Variants in XKR6 observed in about 807,000 individuals in gnomAD.
XKR6 encodes the protein XK-related protein 6.
Under a neutral mutation model 56.7 loss-of-function variants are expected in XKR6, and 22 were observed. The observed-to-expected ratio is 0.39, with a 90% CI of 0.28 to 0.55. The LOEUF (loss-of-function observed/expected upper bound fraction) is 0.55. XKR6 is among the 20% of genes least tolerant of loss of function. XKR6 has a pLI of 0.66. For synonymous variants in XKR6, 524 were observed against 387.8 expected (o/e 1.35, Z -4.13); for missense variants, 852 against 889.0 (o/e 0.96, Z 0.53).
At chr8:11,011,522 C>G (rs12216875) in intron 1 of XKR6, among the ~76,000 whole-genome samples, 72,812 of 152,190 alleles carry the variant, frequency 0.48, 22,237 homozygotes, top group African/African-American at 0.87. Context: ...CTAAGTGCCA[C>G]GTCTATTCCA....
intron 1 of XKR6, among the ~76,000 whole-genome samples, chr8:11,177,520 G>A (rs111814336): frequency 0.014 from 2,134 of 152,278 alleles, 61 homozygotes; most frequent in African/African-American, 0.049. Flanking sequence ...GAACATGACC[G>A]AATTTGGAAA....
At chr8:11,137,693 G>C (rs1467381406) in intron 1 of XKR6, 1 of 456,146 alleles carries the variant, frequency 2.2e-6, no homozygotes, top group Non-Finnish European at 4.4e-6. Context: ...CGGAGAGTCT[G>C]CTGAAGAAGC....
At chr8:11,199,085 T>C (rs1804052977) in intron 1 of XKR6, among the ~76,000 whole-genome samples, 1 of 152,254 alleles carries the variant, frequency 6.6e-6, no homozygotes, top group East Asian at 1.9e-4. Flanking sequence ...GGCATTTTCC[T>C]ATTTTATTCT....
intron 1 of XKR6, among the ~76,000 whole-genome samples, chr8:11,058,574 A>G (rs1054327555): frequency 6.6e-6 from 1 of 152,198 alleles, no homozygotes; most frequent in African/African-American, 2.4e-5. Flanking sequence ...ATTCTCAGCA[A>G]ACTAACACAG....
chr8:11,006,471 T>A, intron 1 of XKR6, among the ~76,000 whole-genome samples: 1 of 152,224 alleles, frequency 6.6e-6, no homozygotes. Context: ...AACATACTTT[T>A]TCTGTCCTGT....
intron 1 of XKR6, among the ~76,000 whole-genome samples, chr8:10,985,249 G>T (rs1422548555): frequency 1.3e-5 from 2 of 152,070 alleles, no homozygotes; most frequent in African/African-American, 4.8e-5. Flanking sequence ...ATGGGGGCAG[G>T]TCTTTCCTGT....
intron 1 of XKR6, among the ~76,000 whole-genome samples, chr8:10,993,188 T>A (rs1277083401): frequency 1.3e-5 from 2 of 152,266 alleles, no homozygotes; most frequent in African/African-American, 4.8e-5. Flanking sequence ...GACGCCACTT[T>A]TTGGCTGGTA....
intron 1 of XKR6, among the ~76,000 whole-genome samples, chr8:10,959,986 G>C (rs1423260123): frequency 6.6e-6 from 1 of 151,942 alleles, no homozygotes; most frequent in Non-Finnish European, 1.5e-5. Flanking sequence ...GTTGCTCCTG[G>C]GATTACAAAA....
chr8:11,031,986 G>A (rs2129152282), intron 1 of XKR6, among the ~76,000 whole-genome samples: 1 of 152,336 alleles, frequency 6.6e-6, no homozygotes, highest in African/African-American at 2.4e-5. Context: ...AGCCACAGCT[G>A]TTTCCAAGCA....
At chr8:11,052,101 C>A (rs1799564519) in intron 1 of XKR6, among the ~76,000 whole-genome samples, 1 of 152,170 alleles carries the variant, frequency 6.6e-6, no homozygotes, top group South Asian at 2.1e-4. Flanking sequence ...CCCCAGACCC[C>A]TCACCCCCTC....
chr8:10,937,909 T>C (rs932496420), intron 1 of XKR6, among the ~76,000 whole-genome samples: 29 of 152,028 alleles, frequency 1.9e-4, no homozygotes, highest in Admixed American at 3.3e-4. Flanking sequence ...CAGGCCTCCT[T>C]GAGCTGTGGT....
intron 1 of XKR6, among the ~76,000 whole-genome samples, chr8:11,130,873 A>C (rs1162449181): frequency 6.6e-6 from 1 of 152,154 alleles, no homozygotes; most frequent in Non-Finnish European, 1.5e-5. Flanking sequence ...ACTTGACTGC[A>C]GCAATGGTAA....
chr8:11,051,399 C>A (rs1260215842), intron 1 of XKR6, among the ~76,000 whole-genome samples: 2 of 152,016 alleles, frequency 1.3e-5, no homozygotes, highest in African/African-American at 4.8e-5. Context: ...CATCTCCAAG[C>A]CCTACACTTC....
chr8:10,945,169 T>G (rs192780622), intron 1 of XKR6, among the ~76,000 whole-genome samples: 31 of 152,164 alleles, frequency 2.0e-4, no homozygotes, highest in Non-Finnish European at 4.1e-4. Flanking sequence ...CTCCAAGACG[T>G]TGCAAAAAAC....
At chr8:11,004,018 G>A (rs942938135) in intron 1 of XKR6, among the ~76,000 whole-genome samples, 1 of 152,152 alleles carries the variant, frequency 6.6e-6, no homozygotes, top group South Asian at 2.1e-4. Flanking sequence ...GTGGGTCCTG[G>A]GGCATCACAA....
intron 1 of XKR6, among the ~76,000 whole-genome samples, chr8:11,002,875 G>T (rs1798275753): frequency 6.6e-6 from 1 of 152,212 alleles, no homozygotes; most frequent in Non-Finnish European, 1.5e-5. Flanking sequence ...GAAATAATCT[G>T]GGTATGGTTA....
chr8:10,982,862 T>C (rs1797765701), intron 1 of XKR6, among the ~76,000 whole-genome samples: 1 of 152,062 alleles, frequency 6.6e-6, no homozygotes, highest in Non-Finnish European at 1.5e-5. Flanking sequence ...TGGCTTGGGG[T>C]TTGAGGATAG....
intron 1 of XKR6, among the ~76,000 whole-genome samples, chr8:10,996,965 C>T (rs945929640): frequency 2.6e-5 from 4 of 151,970 alleles, no homozygotes; most frequent in Admixed American, 6.6e-5. Context: ...AGAGACCCTG[C>T]GTTTATTTAA....
At chr8:11,057,120 C>T (rs1799704876) in intron 1 of XKR6, among the ~76,000 whole-genome samples, 3 of 152,184 alleles carry the variant, frequency 2.0e-5, no homozygotes, top group Admixed American at 1.3e-4. Context: ...AATCGAAGCA[C>T]AAAACATTTT....
Sources: allele counts gnomAD v4.1 joint callset (sites outside exome capture counted in the v4.1 genomes callset), GRCh38; gene constraint gnomAD v4.1.1; transcripts MANE v1.5; gene names NCBI Gene and HGNC (gene_info 2026-07-23, HGNC 2026-07-21).